The following ACIN1 variants were observed in gnomAD, a reference collection of about 807,000 sequenced individuals.
ACIN1 encodes the protein apoptotic chromatin condensation inducer in the nucleus.
Under a neutral mutation model 146.6 loss-of-function variants are expected in ACIN1, and 16 were observed. That is an observed-to-expected ratio of 0.11 (90% CI 0.07 to 0.17). The LOEUF is 0.17. Among genes scored for constraint, ACIN1 ranks in the 10% least tolerant of loss-of-function variants. The probability of loss-of-function intolerance (pLI) is 1.00; values close to 1 mark genes in which losing one functional copy is unlikely to be tolerated. For missense variants in ACIN1, 1,357 were observed against 1,609.3 expected (o/e 0.84, Z 2.68); for synonymous variants, 569 against 582.7 (o/e 0.98, Z 0.34).
At position 23,094,495 on chromosome 14, in the gene ACIN1, C is replaced by T. The variant is rs1010596968; in HGVS notation, c.138+480G>A. ...ATAAAGGTCTCTCTTCATCTCACCT[C>T]CTCATCTAATCGAGCAGACATTTTA... On this transcript the variant is annotated intron_variant, in intron 1 of 18. Transcript: ENST00000605057. 4 of 985,244 alleles carry T rather than the reference C, an allele frequency of 4.1e-6. No individual in the cohort carries two copies. In the African/African-American group the frequency reaches 5.2e-5, roughly 13 times the overall value. 61.0% of individuals were successfully genotyped at this position (985,244 alleles called of 1,614,324 possible). A position where few individuals can be genotyped will look rare whatever the true frequency, so the allele number is the denominator to read the frequency against.
intron 8 of ACIN1, chr14:23,071,738 G>C (rs960032608): frequency 3.3e-6 from 2 of 598,722 alleles, no homozygotes; most frequent in East Asian, 3.0e-5. Flanking sequence ...CAGCTACAGA[G>C]GCTTAACCCC....
Position 23,062,652 on chromosome 14 carries a change from T to G in ACIN1, c.2884-129A>C, listed in dbSNP as rs985870113. The G allele has an allele frequency of 2.3e-5, 21 of 904,020 alleles. No individual in the cohort carries two copies. In the African/African-American group the frequency reaches 3.5e-4, roughly 15 times the overall value. 56.0% of individuals were successfully genotyped at this position (904,020 alleles called of 1,614,324 possible). A position where few individuals can be genotyped will look rare whatever the true frequency, so the allele number is the denominator to read the frequency against. On this transcript the variant is annotated intron_variant, in intron 14 of 18. Transcript: ENST00000605057. ...GGGGAGGGCAGAGAGTTTAGGAACC[T>G]TGCAGTAAGAATGTGAGAAGAGTGG...
In ACIN1 at chr14:23,061,421, T is replaced by C. The variant is rs1594739478; in HGVS notation, c.3301A>G (p.Thr1101Ala). 1 of 1,611,912 alleles carries C rather than the reference T, an allele frequency of 6.2e-7. No individual in the cohort carries two copies. Among genetic ancestry groups the C allele is most frequent in the Middle Eastern group, 1.7e-4 (1 of 6,050 alleles). ...CGATCCCATTCACGCTCTGATCGAG[T>C]CCGCTCCCGCCGCTCCATTTCCCGT... ...REREMERRER[T>A]RSEREWDRDK... The change falls in exon 17 of 19, where the codon ACT (threonine) becomes GCT (alanine). Residue 1101 changes from threonine (T) to alanine (A), a missense_variant. Physicochemically the swap from Thr to Ala is moderately conservative, Grantham distance 58 (BLOSUM62 0). Around this residue, in one of 4 missense-constraint regions of ACIN1, gnomAD observed 509 missense variants for 719.6 expected, o/e 0.71. Coordinates refer to ENST00000605057, the MANE Select transcript of ACIN1 (RefSeq NM_001386863.1).
At chr14:23,095,357 C>T (rs542208818), upstream of ACIN1, 345 of 1,521,196 alleles carry the variant, frequency 2.3e-4, 2 homozygotes, top group East Asian at 7.8e-3. Context: ...GCTCGGTTTT[C>T]TTCGTCTTGC....
At chr14:23,070,217 C>T (rs1028415833) in intron 8 of ACIN1, among the ~76,000 whole-genome samples, 10 of 33,194 alleles carry the variant, frequency 3.0e-4, no homozygotes, top group Admixed American at 9.9e-4. Flanking sequence ...GGGTGCGGGG[C>T]GGGGGGTGGG....
At chr14:23,076,985 A>C (rs2047818065) in intron 8 of ACIN1, among the ~76,000 whole-genome samples, 1 of 152,250 alleles carries the variant, frequency 6.6e-6, no homozygotes, top group Non-Finnish European at 1.5e-5. Flanking sequence ...CAAAGGAAGT[A>C]GAGTGAACTT....
At chr14:23,062,678 T>C in intron 14 of ACIN1, 155 bp from the exon 15 acceptor site, 1 of 794,316 alleles carries the variant, frequency 1.3e-6, no homozygotes, top group Non-Finnish European at 2.0e-6. Context: ...AGAAGAGTGG[T>C]GGTGCTTCCC....
At position 23,095,099 on chromosome 14, in the gene ACIN1, T is replaced by C; in HGVS notation, c.14A>G (p.Glu5Gly). 1 of 1,614,198 alleles carries C rather than the reference T, an allele frequency of 6.2e-7. No homozygotes were observed. Among genetic ancestry groups the C allele is most frequent in the Non-Finnish European group, 8.5e-7 (1 of 1,180,022 alleles). The change falls in exon 1 of 19, where the codon GAG becomes GGG. Residue 5 changes from glutamate (E) to glycine (G), a missense_variant. Glu to Gly is a moderately conservative substitution (Grantham distance 98, BLOSUM62 -2). Coordinates refer to ENST00000605057, the MANE Select transcript of ACIN1 (RefSeq NM_001386863.1). MAEL[E>G]EVTLDGKPLQ... is the part of the protein sequence containing the mutation. ...AGGCTTCCCGTCCAGAGTCACCTCC[T>C]CCAGCTCCGCCATCTTGCGTGAGGT...
At position 23,079,794 on chromosome 14, in the gene ACIN1, T is replaced by C. The variant is rs752558790; in HGVS notation, c.1541A>G (p.Gln514Arg). 12 of 1,614,076 alleles carry C rather than the reference T, an allele frequency of 7.4e-6. No individual in the cohort carries two copies. The African/African-American group carries it at 1.6e-4, about 22-fold the overall frequency. ...HTLLPSHRLK[Q>R]SADSSSSRSS... Reference sequence around the variant, plus strand: ...CCGGCTAGAGGATGAATCAGCTGACTGTTTCAATCTGTGGCTTGGGAGAAG... The same window carrying C: ...CCGGCTAGAGGATGAATCAGCTGACCGTTTCAATCTGTGGCTTGGGAGAAG... Residue 514 changes from glutamine (Q) to arginine (R), a missense_variant, in exon 6 of 19, where the codon CAG becomes CGG. By Grantham distance (43) the Gln-to-Arg change is conservative. Around this residue, in one of 4 missense-constraint regions of ACIN1, gnomAD observed 771 missense variants for 746.6 expected, o/e 1.03. Transcript: ENST00000605057.
At chr14:23,060,609 T>C (rs2047246643) in intron 18 of ACIN1, among the ~76,000 whole-genome samples, 1 of 151,766 alleles carries the variant, frequency 6.6e-6, no homozygotes, top group South Asian at 2.1e-4. Flanking sequence ...GCCTCCCGGG[T>C]TCAAGCAATT....
chr14:23,089,588 TACA>T (rs1361493988), intron 4 of ACIN1, among the ~76,000 whole-genome samples: 5 of 152,200 alleles, frequency 3.3e-5, no homozygotes, highest in Admixed American at 6.5e-5. Context: ...GTGCCTGGTA[TACA>T]ACAAGTACAC....
rs544812699 is a variant in ACIN1 at position 23,078,706 on chromosome 14, C to T, written c.2007+114G>A. On this transcript the variant is annotated intron_variant, in intron 7 of 18. Transcript: ENST00000605057. ...TTAAGCAGGATTAACAGGTATCCACCACATTTCTACTGAACCTTGTCCAGA... is the reference window on the plus strand; with the variant it reads ...TTAAGCAGGATTAACAGGTATCCACTACATTTCTACTGAACCTTGTCCAGA... 14 of 1,135,528 alleles carry T rather than the reference C, an allele frequency of 1.2e-5. No homozygotes were observed. The South Asian group carries it at 1.9e-4, about 16-fold the overall frequency. 70.3% of individuals were successfully genotyped at this position (1,135,528 alleles called of 1,614,324 possible).
At chr14:23,092,093 T>C (rs1275022465) in intron 2 of ACIN1, among the ~76,000 whole-genome samples, 2 of 141,942 alleles carry the variant, frequency 1.4e-5, no homozygotes, top group East Asian at 3.9e-4. Context: ...TTATGCCTTT[T>C]CCTATTTTTT....
At chr14:23,085,166 T>A (rs1363348417) in intron 4 of ACIN1, among the ~76,000 whole-genome samples, 1 of 151,124 alleles carries the variant, frequency 6.6e-6, no homozygotes, top group Non-Finnish European at 1.5e-5. Context: ...CCGTCTCTAC[T>A]AAAAATACAA....
chr14:23,062,072 C>A, intron 16 of ACIN1, 96 bp downstream of exon 16: 1 of 998,584 alleles, frequency 1.0e-6, no homozygotes, highest in Middle Eastern at 2.7e-4. Context: ...AGAACAGAAG[C>A]TCAGAGACTG....
At position 23,090,606 on chromosome 14, in the gene ACIN1, A is replaced by G; in HGVS notation, c.232T>C (p.Phe78Leu). Residue 78 changes from phenylalanine to leucine, a missense_variant, in exon 3 of 19, where the codon TTC (phenylalanine) becomes CTC (leucine). By Grantham distance (22) the Phe-to-Leu change is conservative. This residue lies in a region of ACIN1 where 55 missense variants were observed against 123.9 expected (regional missense o/e 0.44). Coordinates refer to ENST00000605057, the MANE Select transcript of ACIN1 (RefSeq NM_001386863.1). Reference sequence around the variant, plus strand: ...TGCTTTTCCAGATACTGTTTTATGAAACTGTTCTGGCTCATTTCCTCACCA... The same window carrying G: ...TGCTTTTCCAGATACTGTTTTATGAGACTGTTCTGGCTCATTTCCTCACCA... ...QIGEEMSQNS[F>L]IKQYLEKQQE... The G allele has an allele frequency of 6.2e-7, 1 of 1,614,042 alleles. No individual in the cohort carries two copies. The highest frequency in any genetic ancestry group is 8.5e-7 in the Non-Finnish European group (1 of 1,180,014).
chr14:23,089,930 C>A (rs973544987), intron 4 of ACIN1, 52 bp downstream of exon 4: 17 of 1,498,726 alleles, frequency 1.1e-5, no homozygotes, highest in South Asian at 6.5e-5. Context: ...TACCTCCCCC[C>A]ACCAACTACG....
At chr14:23,086,146 G>C (rs1348695730) in intron 4 of ACIN1, among the ~76,000 whole-genome samples, 4 of 152,200 alleles carry the variant, frequency 2.6e-5, no homozygotes, top group African/African-American at 9.7e-5. Context: ...TACAGACCTG[G>C]AAACAATGCC....
In ACIN1 at chr14:23,079,429, G is replaced by A. The variant is rs924134377; in HGVS notation, c.1788+118C>T. ...TGAGGAGAAAGTAATCAGTGAAGGA[G>A]AGTAAAGGAGGCTTTTCCTATTCCT... On this transcript the variant is annotated intron_variant, in intron 6 of 18. Transcript: ENST00000605057. 102 of 1,470,472 alleles carry A rather than the reference G, an allele frequency of 6.9e-5. No homozygotes were observed. In the African/African-American group the frequency reaches 1.1e-3, roughly 16 times the overall value. The allele number at this position is 1,470,472 out of a possible 1,614,324, so 91.1% of individuals were successfully genotyped here. A position where few individuals can be genotyped will look rare whatever the true frequency, so the allele number is the denominator to read the frequency against.
Sources: gnomAD v4.1 joint callset for allele counts (sites outside exome capture counted in the v4.1 genomes callset) on GRCh38, gnomAD v4.1.1 for gene constraint, gnomAD v4.1.1 regional missense constraint, MANE v1.5 for transcripts, NCBI Gene and HGNC (gene_info 2026-07-23, HGNC 2026-07-21) for gene names.